Variants in GPHN observed in about 807,000 individuals in gnomAD.
The protein encoded by GPHN is gephyrin.
A neutral mutation model predicts 95.5 loss-of-function variants in GPHN; 17 were observed. The observed-to-expected ratio is 0.18, with a 90% CI of 0.12 to 0.27. The LOEUF (loss-of-function observed/expected upper bound fraction) is 0.27. GPHN is among the 10% of genes least tolerant of loss of function. GPHN has a pLI of 1.00. For missense variants in GPHN, 660 were observed against 978.1 expected (o/e 0.67, Z 4.34); for synonymous variants, 320 against 322.5 (o/e 0.99, Z 0.08).
chr14:66,842,269 T>C (rs570588796), intron 4 of GPHN, among the ~76,000 whole-genome samples: 2 of 152,148 alleles, frequency 1.3e-5, no homozygotes, highest in Non-Finnish European at 2.9e-5. Flanking sequence ...TTCTTTCTCA[T>C]CCACTTTCAA....
At chr14:67,214,813 C>A in the GPHN span, among the ~76,000 whole-genome samples, 15 of 152,088 alleles carry the variant, frequency 9.9e-5, no homozygotes, top group African/African-American at 3.6e-4. Flanking sequence ...GAATGTTCTT[C>A]CATTTATTTG....
chr14:67,646,443 A>T, the GPHN span: 1 of 560,198 alleles, frequency 1.8e-6, no homozygotes, highest in Non-Finnish European at 3.2e-6. Context: ...AGAAAGCAAT[A>T]CTGTGTTCCT....
intron 5 of GPHN, among the ~76,000 whole-genome samples, chr14:66,908,003 A>G (rs2065468836): frequency 6.6e-6 from 1 of 152,114 alleles, no homozygotes; most frequent in African/African-American, 2.4e-5. Flanking sequence ...AAATGGTTAC[A>G]TACAGAAATA....
At chr14:66,550,583 T>G (rs2059773571) in intron 1 of GPHN, among the ~76,000 whole-genome samples, 1 of 152,232 alleles carries the variant, frequency 6.6e-6, no homozygotes, top group Admixed American at 6.5e-5. Context: ...TGACAGCAAT[T>G]TTGAAAGAAG....
chr14:66,683,359 T>TGAATATATTC lies in GPHN; in HGVS notation c.143+2174_143+2175insGAATATATTC, dbSNP rs1228890853. Among the ~76,000 whole-genome samples the TGAATATATTC allele has an allele frequency of 5.3e-4, 47 of 88,638 alleles. 1 individual carries two copies. Among genetic ancestry groups the TGAATATATTC allele is most frequent in the Non-Finnish European group, 7.9e-4 (43 of 54,348 alleles). 58.1% of individuals were successfully genotyped at this position (88,638 alleles called of 152,430 possible). On this transcript the variant is annotated intron_variant, in intron 2 of 22. Coordinates refer to ENST00000478722, the MANE Select transcript of GPHN (RefSeq NM_020806.5). ...ATATATATATATATATATATATATA[T>TGAATATATTC]ATATATATATATATATATATGTTCA...
chr14:67,074,359 A>T (rs1262713038), intron 11 of GPHN, among the ~76,000 whole-genome samples: 1 of 152,054 alleles, frequency 6.6e-6, no homozygotes, highest in Non-Finnish European at 1.5e-5. Flanking sequence ...ATCTGTAGTC[A>T]GTGATCTTTG....
At chr14:67,521,502 TTAAAA>T in the GPHN span, among the ~76,000 whole-genome samples, 8 of 152,196 alleles carry the variant, frequency 5.3e-5, no homozygotes, top group African/African-American at 1.4e-4. Flanking sequence ...CATAGAAGTC[TTAAAA>T]TAAAGTGTCT....
At chr14:66,576,891 A>G (rs917425992) in intron 1 of GPHN, among the ~76,000 whole-genome samples, 3 of 152,202 alleles carry the variant, frequency 2.0e-5, no homozygotes, top group African/African-American at 7.2e-5. Context: ...ATAATTTGAA[A>G]TAACATTATT....
chr14:67,169,069 G>A, intron 21 of GPHN, 33 bp downstream of exon 21: 2 of 1,263,482 alleles, frequency 1.6e-6, no homozygotes, highest in Non-Finnish European at 2.3e-6. Flanking sequence ...AACCAAAATG[G>A]AAGCCTGGTA....
chr14:67,529,308 C>T, the GPHN span, among the ~76,000 whole-genome samples: 1 of 152,158 alleles, frequency 6.6e-6, no homozygotes, highest in Admixed American at 6.5e-5. Context: ...AACTGCATTA[C>T]TTCCACCCTG....
chr14:67,334,026 G>A, the GPHN span: 1 of 152,454 alleles, frequency 6.6e-6, no homozygotes, highest in African/African-American at 2.4e-5. Flanking sequence ...GAAAACACTT[G>A]TTTAGCATTA....
At chr14:67,345,673 C>T in the GPHN span, 2 of 752,684 alleles carry the variant, frequency 2.7e-6, no homozygotes, top group Non-Finnish European at 4.5e-6. Context: ...GTTAAAAGTA[C>T]AAAGCACAGT....
At chr14:67,168,525 T>A in intron 20 of GPHN, among the ~76,000 whole-genome samples, 1 of 152,194 alleles carries the variant, frequency 6.6e-6, no homozygotes, top group Non-Finnish European at 1.5e-5. Context: ...GTTTTCTCAG[T>A]TTGGGAACCA....
At chr14:66,689,858 G>T (rs1264421250) in intron 2 of GPHN, among the ~76,000 whole-genome samples, 1 of 151,576 alleles carries the variant, frequency 6.6e-6, no homozygotes, top group Non-Finnish European at 1.5e-5. Flanking sequence ...TATTTATGTG[G>T]TATCAATTTT....
intron 10 of GPHN, among the ~76,000 whole-genome samples, chr14:67,027,896 T>C (rs2074005474): frequency 6.6e-6 from 1 of 152,220 alleles, no homozygotes; most frequent in South Asian, 2.1e-4. Flanking sequence ...TTTCAAATCC[T>C]ATATTATAGT....
rs1595534912 is a variant in GPHN, at chr14:66,683,424, A to ATGTTCATATATATATG, written c.143+2240_143+2241insGTTCATATATATATGT. Among the ~76,000 whole-genome samples the ATGTTCATATATATATG allele has an allele frequency of 2.5e-4, 13 of 52,002 alleles. 1 individual carries two copies. The highest frequency in any genetic ancestry group is 4.3e-4 in the African/African-American group (3 of 6,912). 34.1% of individuals were successfully genotyped at this position (52,002 alleles called of 152,430 possible). On this transcript the variant is annotated intron_variant, in intron 2 of 22. Transcript: ENST00000478722. ...TATATATATATGTTCATATATATATATTCATATTCTTGTGTTGTTATGATG... is the reference window on the plus strand; with the variant it reads ...TATATATATATGTTCATATATATATATGTTCATATATATATGTTCATATTCTTGTGTTGTTATGATG...
chr14:67,377,876 G>A, the GPHN span, among the ~76,000 whole-genome samples: 1 of 152,036 alleles, frequency 6.6e-6, no homozygotes, highest in Admixed American at 6.6e-5. Flanking sequence ...GTAAGGCTGA[G>A]GTGGGAGGAT....
chr14:67,047,320 GTGTGTGTGTGTGTT>G (rs1181260773), intron 10 of GPHN, among the ~76,000 whole-genome samples: 22 of 114,404 alleles, frequency 1.9e-4, no homozygotes, highest in African/African-American at 4.2e-4. Flanking sequence ...CATTTATTTT[GTGTGTGTGTGTGTT>G]TGTGTGTGTG....
chr14:67,480,839 A>C, the GPHN span, among the ~76,000 whole-genome samples: 2 of 152,204 alleles, frequency 1.3e-5, no homozygotes, highest in African/African-American at 4.8e-5. Flanking sequence ...GGGATGGCCC[A>C]GACCGGTTTC....
Sources: gnomAD v4.1 joint callset for allele counts (sites outside exome capture counted in the v4.1 genomes callset) on GRCh38, gnomAD v4.1.1 for gene constraint, MANE v1.5 for transcripts, NCBI Gene and HGNC (gene_info 2026-07-23, HGNC 2026-07-21) for gene names.